The following WDFY4 variants were observed in gnomAD, a reference collection of about 807,000 sequenced individuals.
WDFY4 encodes the protein WD repeat- and FYVE domain-containing protein 4.
Under a neutral mutation model 351.9 loss-of-function variants are expected in WDFY4, and 169 were observed. That is an observed-to-expected ratio of 0.48 (90% CI 0.42 to 0.55). WDFY4 has a LOEUF of 0.55. Among genes scored for constraint, WDFY4 ranks in the 20% least tolerant of loss-of-function variants. The pLI is 0.00. For synonymous variants in WDFY4, 1,622 were observed against 1,574.6 expected (o/e 1.03, Z -0.71); for missense variants, 3,803 against 3,935.6 (o/e 0.97, Z 0.90).
chr10:48,778,536 C>T (rs2066112114), intron 17 of WDFY4, 75 bp from the exon 18 acceptor site: 3 of 1,440,158 alleles, frequency 2.1e-6, no homozygotes, highest in Non-Finnish European at 2.8e-6. Flanking sequence ...GCTAAATCAG[C>T]ACCATAGTGA....
intron 2 of WDFY4, among the ~76,000 whole-genome samples, chr10:48,717,429 A>G (rs2063943940): frequency 6.6e-6 from 1 of 152,376 alleles, no homozygotes; most frequent in Non-Finnish European, 1.5e-5. Flanking sequence ...AATTTTGTTC[A>G]AAACACATGA....
chr10:48,957,210 G>A lies in WDFY4; in HGVS notation c.8059G>A (p.Asp2687Asn), dbSNP rs1375992987. 6.4e-7 allele frequency: 1 copy of A among 1,551,724 alleles called. No homozygotes were observed. The highest frequency in any genetic ancestry group is 2.0e-5 in the Admixed American group (1 of 51,012). The stretch of plus-strand genomic sequence containing the variant: ...GTCGGCCTCCAGAGAGAACATGAGT[G>A]ACGTCAGGGAGCTGACCCCAGAGTT... ...WESASRENMS[D>N]VRELTPEFFY... is the part of the protein sequence containing the mutation. Residue 2687 changes from aspartate (D) to asparagine (N), a missense_variant, in exon 52 of 62, where the codon GAC (aspartate) becomes AAC (asparagine). Physicochemically the swap from Asp to Asn is conservative, Grantham distance 23. Coordinates refer to ENST00000325239, the MANE Select transcript of WDFY4 (RefSeq NM_001394531.1).
At chr10:48,849,136 G>A (rs1295639871) in intron 39 of WDFY4, among the ~76,000 whole-genome samples, 2 of 152,144 alleles carry the variant, frequency 1.3e-5, no homozygotes, top group African/African-American at 2.4e-5. Context: ...CAAGCAGCAT[G>A]ACCATTGCTT....
intron 2 of WDFY4, among the ~76,000 whole-genome samples, chr10:48,711,704 A>G (rs1423593855): frequency 6.6e-6 from 1 of 152,206 alleles, no homozygotes; most frequent in African/African-American, 2.4e-5. Context: ...AGTAAAGAAG[A>G]CAGAGGTGAC....
At chr10:48,929,751 C>G (rs1839877934) in intron 47 of WDFY4, among the ~76,000 whole-genome samples, 1 of 152,158 alleles carries the variant, frequency 6.6e-6, no homozygotes, top group African/African-American at 2.4e-5. Flanking sequence ...CCTGTCTGTC[C>G]CAAGCCCAGC....
chr10:48,806,881 C>T (rs370984635), intron 27 of WDFY4, among the ~76,000 whole-genome samples: 24 of 152,210 alleles, frequency 1.6e-4, no homozygotes, highest in African/African-American at 5.8e-4. Context: ...TTTAAGTGCT[C>T]ACTAGCTACC....
At chr10:48,865,298 C>G (rs552286884) in intron 39 of WDFY4, among the ~76,000 whole-genome samples, 112 of 152,064 alleles carry the variant, frequency 7.4e-4, no homozygotes, top group Non-Finnish European at 1.4e-3. Flanking sequence ...AAATTTTTGT[C>G]AATTTTTTTA....
At chr10:48,787,114 T>C (rs539905246) in intron 20 of WDFY4, among the ~76,000 whole-genome samples, 1 of 152,198 alleles carries the variant, frequency 6.6e-6, no homozygotes, top group African/African-American at 2.4e-5. Flanking sequence ...GGCAATACCA[T>C]CAGCAAAGAA....
At chr10:48,808,836 C>T (rs1165545211) in intron 28 of WDFY4, among the ~76,000 whole-genome samples, 6 of 152,318 alleles carry the variant, frequency 3.9e-5, no homozygotes, top group East Asian at 3.9e-4. Context: ...CTATACCTTC[C>T]GGGTTCGAAT....
At chr10:48,773,950 G>A (rs2065946639) in intron 13 of WDFY4, among the ~76,000 whole-genome samples, 1 of 152,134 alleles carries the variant, frequency 6.6e-6, no homozygotes, top group Admixed American at 6.5e-5. Flanking sequence ...CAAGCTGGGG[G>A]GGATGTTGGA....
intron 47 of WDFY4, among the ~76,000 whole-genome samples, chr10:48,924,136 C>T (rs1480977878): frequency 6.6e-6 from 1 of 152,214 alleles, no homozygotes; most frequent in East Asian, 1.9e-4. Flanking sequence ...TACTTCACCT[C>T]CCCAGGGAGT....
intron 19 of WDFY4, among the ~76,000 whole-genome samples, chr10:48,783,106 A>G (rs540168817): frequency 3.9e-5 from 6 of 152,188 alleles, no homozygotes; most frequent in Non-Finnish European, 8.8e-5. Context: ...GAAATTCTGT[A>G]AACTCTCATT....
chr10:48,709,849 C>T lies in WDFY4; in HGVS notation c.117C>T (p.Ser39=). 1 of 1,551,894 alleles carries T rather than the reference C, an allele frequency of 6.4e-7. No homozygotes were observed. Among genetic ancestry groups the T allele is most frequent in the Non-Finnish European group, 8.7e-7 (1 of 1,147,028 alleles). The change falls in exon 2 of 62, where the codon AGC becomes AGT. Residue 39 remains serine (S), a synonymous_variant. Coordinates refer to ENST00000325239, the MANE Select transcript of WDFY4 (RefSeq NM_001394531.1). The part of the protein sequence containing the change: ...PDVPHGGQSS[S]PTALWDMLER... ...TCCCACATGGAGGGCAGTCCTCCAG[C>T]CCCACAGCTCTCTGGGACATGCTGG...
intron 27 of WDFY4, among the ~76,000 whole-genome samples, chr10:48,806,504 CA>C (rs571554906): frequency 1.2e-3 from 190 of 152,344 alleles, no homozygotes; most frequent in African/African-American, 4.2e-3. Context: ...GCTCTTCACT[CA>C]AGGGAAATGC....
intron 2 of WDFY4, among the ~76,000 whole-genome samples, chr10:48,719,022 T>C (rs1308006213): frequency 2.6e-5 from 4 of 152,030 alleles, no homozygotes; most frequent in African/African-American, 9.7e-5. Context: ...AAACAACAAC[T>C]CGGACTGGAG....
intron 2 of WDFY4, among the ~76,000 whole-genome samples, chr10:48,716,879 C>A (rs538183034): frequency 2.6e-5 from 4 of 152,176 alleles, no homozygotes; most frequent in African/African-American, 9.7e-5. Context: ...GAAATCATCT[C>A]GCCACAGAAA....
intron 28 of WDFY4, among the ~76,000 whole-genome samples, chr10:48,809,885 T>A (rs1161727435): frequency 6.6e-6 from 1 of 152,164 alleles, no homozygotes; most frequent in Admixed American, 6.5e-5. Context: ...AGAACACAGG[T>A]GGAGCCTTCA....
At chr10:48,815,710 A>G (rs1233909519) in intron 31 of WDFY4, among the ~76,000 whole-genome samples, 1 of 151,580 alleles carries the variant, frequency 6.6e-6, no homozygotes, top group Non-Finnish European at 1.5e-5. Flanking sequence ...ATACCCTTTT[A>G]GCACACAGTT....
At chr10:48,954,993 G>A (rs1257184538) in intron 51 of WDFY4, among the ~76,000 whole-genome samples, 1 of 152,008 alleles carries the variant, frequency 6.6e-6, no homozygotes, top group Non-Finnish European at 1.5e-5. Context: ...TTTAATACAG[G>A]TAACCTTTTT....
Sources: allele counts gnomAD v4.1 joint callset (sites outside exome capture counted in the v4.1 genomes callset), GRCh38; gene constraint gnomAD v4.1.1; transcripts MANE v1.5; gene names NCBI Gene and HGNC (gene_info 2026-07-23, HGNC 2026-07-21).